The following WWOX variants were observed in gnomAD, a reference collection of about 807,000 sequenced individuals.
The protein encoded by WWOX is WW domain containing oxidoreductase.
WWOX carries 69 observed loss-of-function variants against 46.2 expected under a neutral mutation model. The ratio of observed to expected loss-of-function variants is 1.49; its 90% CI spans 1.23 to 1.82. The LOEUF (loss-of-function observed/expected upper bound fraction) is 1.82. Ranked by LOEUF, WWOX falls within the 40% of genes most tolerant of loss-of-function variation. The probability of loss-of-function intolerance (pLI) is 0.00; values close to 1 mark genes in which losing one functional copy is unlikely to be tolerated. For synonymous variants in WWOX, 359 were observed against 202.6 expected (o/e 1.77, Z -6.56); for missense variants, 919 against 542.6 (o/e 1.69, Z -6.89).
intron 8 of WWOX, among the ~76,000 whole-genome samples, chr16:79,132,142 A>C (rs1343980346): frequency 2.0e-5 from 3 of 149,084 alleles, no homozygotes; most frequent in Non-Finnish European, 4.5e-5. Flanking sequence ...ACACACACAC[A>C]CACACACACA....
intron 8 of WWOX, among the ~76,000 whole-genome samples, chr16:78,528,307 C>G (rs1455603343): frequency 1.3e-5 from 2 of 151,176 alleles, no homozygotes; most frequent in Non-Finnish European, 2.9e-5. Context: ...AGCCACCACA[C>G]CCGCCCTACA....
In WWOX at chr16:78,854,674, G is replaced by C. The variant is rs561457007; in HGVS notation, c.1057-356934G>C. On this transcript the variant is annotated intron_variant, in intron 8 of 8. Coordinates refer to ENST00000566780, the MANE Select transcript of WWOX (RefSeq NM_016373.4). ...CAGCTGACTGCAACCTCCGCCTCCC[G>C]GGTTCAAGTGATTCTCCTGCCTCAG... 3.3e-5 allele frequency among the ~76,000 whole-genome samples: 5 copies of C among 152,178 alleles called. No homozygotes were observed. In the South Asian group the frequency reaches 1.0e-3, roughly 32 times the overall value.
At chr16:78,529,000 C>T (rs1477742054) in intron 8 of WWOX, among the ~76,000 whole-genome samples, 1 of 150,178 alleles carries the variant, frequency 6.7e-6, no homozygotes, top group East Asian at 2.0e-4. Flanking sequence ...ATTGCCCAGG[C>T]CGGAGTACAG....
chr16:79,028,844 C>G (rs2047697469), intron 8 of WWOX, among the ~76,000 whole-genome samples: 1 of 151,508 alleles, frequency 6.6e-6, no homozygotes, highest in African/African-American at 2.4e-5. Flanking sequence ...ACCTATATCA[C>G]AAAAGCATTC....
intron 4 of WWOX, among the ~76,000 whole-genome samples, chr16:78,147,486 C>T (rs1441305252): frequency 2.0e-5 from 3 of 152,044 alleles, no homozygotes; most frequent in Non-Finnish European, 2.9e-5. Flanking sequence ...AATGAAAAGT[C>T]AATTTGGACA....
At chr16:78,534,087 G>C (rs931507727) in intron 8 of WWOX, among the ~76,000 whole-genome samples, 3 of 152,126 alleles carry the variant, frequency 2.0e-5, no homozygotes, top group Non-Finnish European at 2.9e-5. Flanking sequence ...ATAAATATTA[G>C]AATCATTGAA....
chr16:78,901,492 C>T lies in WWOX; in HGVS notation c.1057-310116C>T, dbSNP rs553601031. On this transcript the variant is annotated intron_variant, in intron 8 of 8. Coordinates refer to ENST00000566780, the MANE Select transcript of WWOX (RefSeq NM_016373.4). ...ATAAGTAGCTGGTAGTCAGTGTTCT[C>T]TTTTTCTTCCTGTGAGACAGGATCT... Among the ~76,000 whole-genome samples, 10 of 152,174 alleles carry T rather than the reference C, an allele frequency of 6.6e-5. No individual in the cohort carries two copies. In the East Asian group the frequency reaches 1.9e-3, roughly 29 times the overall value.
chr16:79,160,732 A>T (rs983886252), intron 8 of WWOX, among the ~76,000 whole-genome samples: 1 of 152,182 alleles, frequency 6.6e-6, no homozygotes, highest in Non-Finnish European at 1.5e-5. Context: ...ATAAAATGGG[A>T]ACAGTAGTAA....
At chr16:78,377,136 A>G (rs1290359574) in intron 5 of WWOX, among the ~76,000 whole-genome samples, 2 of 152,232 alleles carry the variant, frequency 1.3e-5, no homozygotes, top group East Asian at 1.9e-4. Context: ...CAGCTATTAA[A>G]TATTCAGAAT....
At chr16:78,562,644 C>T (rs1289372701) in intron 8 of WWOX, among the ~76,000 whole-genome samples, 2 of 152,318 alleles carry the variant, frequency 1.3e-5, no homozygotes, top group East Asian at 1.9e-4. Flanking sequence ...AGCTCTTTGT[C>T]AGTTGCTCAC....
chr16:78,594,235 G>C (rs956690587), intron 8 of WWOX, among the ~76,000 whole-genome samples: 10 of 151,994 alleles, frequency 6.6e-5, no homozygotes, highest in Admixed American at 1.3e-4. Flanking sequence ...GTATGTGTTT[G>C]TGTGTGCATC....
chr16:79,123,818 G>A (rs191947652), intron 8 of WWOX, among the ~76,000 whole-genome samples: 199 of 152,182 alleles, frequency 1.3e-3, no homozygotes, highest in African/African-American at 4.6e-3. Context: ...TCATATCCCC[G>A]TGCCATCCGA....
chr16:78,275,348 C>A (rs2079557906), intron 5 of WWOX, among the ~76,000 whole-genome samples: 1 of 152,176 alleles, frequency 6.6e-6, no homozygotes, highest in Admixed American at 6.6e-5. Context: ...GTGGCCGCCC[C>A]AGTTGGATGA....
chr16:78,279,649 G>A (rs529883870), intron 5 of WWOX, among the ~76,000 whole-genome samples: 32 of 152,266 alleles, frequency 2.1e-4, no homozygotes, highest in African/African-American at 7.7e-4. Flanking sequence ...ACCCATTTAT[G>A]CCCCATGCCA....
At chr16:78,922,654 C>T (rs2045406218) in intron 8 of WWOX, among the ~76,000 whole-genome samples, 1 of 152,176 alleles carries the variant, frequency 6.6e-6, no homozygotes, top group African/African-American at 2.4e-5. Context: ...GCTGGGATTA[C>T]AGGCGTGAGC....
At chr16:78,923,625 C>T (rs1381946496) in intron 8 of WWOX, among the ~76,000 whole-genome samples, 1 of 152,002 alleles carries the variant, frequency 6.6e-6, no homozygotes, top group African/African-American at 2.4e-5. Context: ...GGATATTTCA[C>T]TCTTCTATGA....
intron 8 of WWOX, among the ~76,000 whole-genome samples, chr16:78,457,651 T>C (rs574021147): frequency 4.4e-4 from 67 of 152,214 alleles, no homozygotes; most frequent in Non-Finnish European, 2.9e-4. Flanking sequence ...CGGTGGCTCA[T>C]GCCTGTAATC....
intron 5 of WWOX, among the ~76,000 whole-genome samples, chr16:78,276,382 GATA>G (rs1434617523): frequency 6.6e-6 from 1 of 152,194 alleles, no homozygotes; most frequent in Non-Finnish European, 1.5e-5. Context: ...TTTTGACAAT[GATA>G]ATAATTATAA....
intron 8 of WWOX, among the ~76,000 whole-genome samples, chr16:79,115,454 GCT>G (rs1174006119): frequency 0.018 from 26 of 1,470 alleles, no homozygotes; most frequent in African/African-American, 0.022. Flanking sequence ...ACCCACAGGT[GCT>G]GCTCTTGTTA....
Sources: gnomAD v4.1 joint callset for allele counts (sites outside exome capture counted in the v4.1 genomes callset) on GRCh38, gnomAD v4.1.1 for gene constraint, MANE v1.5 for transcripts, NCBI Gene and HGNC (gene_info 2026-07-23, HGNC 2026-07-21) for gene names.